RAB27A: variants seen among roughly 807,000 people sequenced by gnomAD.
The protein encoded by RAB27A is ras-related protein Rab-27A.
In RAB27A, 17 loss-of-function variants were observed where a neutral mutation model predicts 20.8. The observed-to-expected ratio is 0.82, with a 90% CI of 0.56 to 1.23. RAB27A has a LOEUF of 1.23. Among genes scored for constraint, RAB27A ranks in the 50% most tolerant of loss-of-function variants. The pLI is 0.00. For synonymous variants in RAB27A, 85 were observed against 92.8 expected (o/e 0.92, Z 0.48); for missense variants, 277 against 266.7 (o/e 1.04, Z -0.27).
intron 6 of RAB27A, among the ~76,000 whole-genome samples, chr15:55,208,918 T>C (rs62020114): frequency 0.27 from 40,722 of 152,092 alleles, 7,076 homozygotes; most frequent in African/African-American, 0.5. Flanking sequence ...CTATAGGAAG[T>C]AGATATAGTG....
At chr15:55,208,056 G>A (rs529246107) in intron 6 of RAB27A, among the ~76,000 whole-genome samples, 1 of 152,346 alleles carries the variant, frequency 6.6e-6, no homozygotes, top group East Asian at 1.9e-4. Context: ...ATATGTGCAC[G>A]TGGCATCGTC....
intron 2 of RAB27A, among the ~76,000 whole-genome samples, chr15:55,268,783 T>G (rs1897601614): frequency 6.6e-6 from 1 of 152,180 alleles, no homozygotes. Context: ...TTAAGAAGCT[T>G]TTCAGACATG....
chr15:55,281,233 AT>A (rs1310100874), intron 1 of RAB27A, among the ~76,000 whole-genome samples: 13 of 152,120 alleles, frequency 8.5e-5, no homozygotes, highest in Non-Finnish European at 1.5e-4. Flanking sequence ...GGTCTTTTTG[AT>A]TTCCAATTCA....
chr15:55,282,408 A>G (rs542511874), intron 1 of RAB27A, among the ~76,000 whole-genome samples: 20 of 152,262 alleles, frequency 1.3e-4, no homozygotes, highest in Middle Eastern at 3.4e-3. Context: ...TAAATTACAC[A>G]ATTCTGTAAG....
intron 4 of RAB27A, 124 bp from the exon 5 acceptor site, chr15:55,228,836 A>C (rs1176612996): frequency 1.5e-5 from 11 of 730,498 alleles, no homozygotes; most frequent in Non-Finnish European, 2.7e-5. Context: ...GTGATATTTC[A>C]AAAGTATATA....
At position 55,277,844 on chromosome 15, in the gene RAB27A, T is replaced by C. The variant is rs190447695; in HGVS notation, c.-142-7560A>G. On this transcript the variant is annotated intron_variant, in intron 1 of 6. Transcript: ENST00000336787. ...AGTGGGACCAACCATCCCAGTTTAG[T>C]GGGGACTGAGTTATAGCACTGAAAG... 9.2e-5 allele frequency among the ~76,000 whole-genome samples: 14 copies of C among 152,322 alleles called. No homozygotes were observed. In the East Asian group the frequency reaches 2.7e-3, roughly 29 times the overall value.
upstream of RAB27A, among the ~76,000 whole-genome samples, chr15:55,293,288 A>G (rs994199800): frequency 6.6e-5 from 10 of 152,142 alleles, no homozygotes; most frequent in Non-Finnish European, 1.5e-4. Flanking sequence ...CAAAGTAGCT[A>G]CGAGTACACT....
intron 2 of RAB27A, among the ~76,000 whole-genome samples, chr15:55,240,232 G>A (rs1376796833): frequency 6.6e-6 from 1 of 152,094 alleles, no homozygotes; most frequent in Non-Finnish European, 1.5e-5. Flanking sequence ...TTTCATTTCA[G>A]GAAGGAGTAA....
intron 6 of RAB27A, among the ~76,000 whole-genome samples, chr15:55,221,594 C>T (rs975652782): frequency 6.6e-6 from 1 of 152,066 alleles, no homozygotes; most frequent in Non-Finnish European, 1.5e-5. Context: ...TAAAAGATAC[C>T]AATGCCCAGG....
At chr15:55,236,878 T>C (rs1257501666) in intron 2 of RAB27A, among the ~76,000 whole-genome samples, 1 of 152,182 alleles carries the variant, frequency 6.6e-6, no homozygotes, top group African/African-American at 2.4e-5. Context: ...TTCTAGCTAT[T>C]TTAAAATACA....
At chr15:55,295,015 A>G (rs951598171) in intron 2 of RAB27A, among the ~76,000 whole-genome samples, 1 of 152,228 alleles carries the variant, frequency 6.6e-6, no homozygotes, top group Non-Finnish European at 1.5e-5. Flanking sequence ...TCCAATTAAA[A>G]AGTGGGCATA....
At chr15:55,285,641 G>T (rs1034701596) in intron 1 of RAB27A, among the ~76,000 whole-genome samples, 9 of 152,306 alleles carry the variant, frequency 5.9e-5, no homozygotes, top group Non-Finnish European at 1.2e-4. Flanking sequence ...ATCTGCAAGT[G>T]GCATAAAAAG....
At chr15:55,259,460 T>C (rs2042178609) in intron 2 of RAB27A, among the ~76,000 whole-genome samples, 1 of 151,960 alleles carries the variant, frequency 6.6e-6, no homozygotes, top group South Asian at 2.1e-4. Context: ...AATTTTCTTT[T>C]CTTTTTTGTA....
chr15:55,267,558 CA>C (rs1409259345), intron 2 of RAB27A, among the ~76,000 whole-genome samples: 2 of 152,184 alleles, frequency 1.3e-5, no homozygotes, highest in African/African-American at 4.8e-5. Context: ...GTTGCATAGA[CA>C]GCGCAAATAA....
chr15:55,278,992 G>C (rs1897947338), intron 1 of RAB27A, among the ~76,000 whole-genome samples: 1 of 152,188 alleles, frequency 6.6e-6, no homozygotes, highest in Non-Finnish European at 1.5e-5. Flanking sequence ...ATTACAGCCT[G>C]AAGGAAATTG....
chr15:55,258,292 C>T lies in RAB27A; in HGVS notation c.-23+11873G>A, dbSNP rs1327429549. ...CAGGTCTATCCTGTTTTTGGTCTCACTTAACACTGCTATATGTATGTGCCT... is the reference window on the plus strand; with the variant it reads ...CAGGTCTATCCTGTTTTTGGTCTCATTTAACACTGCTATATGTATGTGCCT... On this transcript the variant is annotated intron_variant, in intron 2 of 6. Coordinates refer to ENST00000336787, the MANE Select transcript of RAB27A (RefSeq NM_183235.3). Among the ~76,000 whole-genome samples the T allele has an allele frequency of 5.3e-5, 8 of 152,246 alleles. No homozygotes were observed. In the East Asian group the frequency reaches 1.5e-3, roughly 29 times the overall value.
intron 2 of RAB27A, among the ~76,000 whole-genome samples, chr15:55,257,998 C>T (rs1310691836): frequency 2.0e-5 from 3 of 148,022 alleles, no homozygotes; most frequent in East Asian, 2.0e-4. Context: ...ACCTGGGAGG[C>T]GCAGGTTGCA....
intron 1 of RAB27A, among the ~76,000 whole-genome samples, chr15:55,279,345 C>T (rs1254179824): frequency 6.6e-6 from 1 of 152,204 alleles, no homozygotes; most frequent in Non-Finnish European, 1.5e-5. Context: ...GCAGCAGAAT[C>T]ACCTAGGATA....
intron 2 of RAB27A, among the ~76,000 whole-genome samples, chr15:55,245,938 TAAC>T (rs971441008): frequency 6.6e-6 from 1 of 152,044 alleles, no homozygotes; most frequent in African/African-American, 2.4e-5. Context: ...CTTACTTTAC[TAAC>T]AATACAAAAC....
Sources: allele counts gnomAD v4.1 joint callset (sites outside exome capture counted in the v4.1 genomes callset), GRCh38; gene constraint gnomAD v4.1.1; transcripts MANE v1.5; gene names NCBI Gene and HGNC (gene_info 2026-07-23, HGNC 2026-07-21).